TTC28: variants seen among roughly 807,000 people sequenced by gnomAD.
TTC28 encodes the protein tetratricopeptide repeat protein 28.
In TTC28, 61 loss-of-function variants were observed where a neutral mutation model predicts 198.0. The ratio of observed to expected loss-of-function variants is 0.31; its 90% CI spans 0.25 to 0.38. The LOEUF (loss-of-function observed/expected upper bound fraction) is 0.38. Among genes scored for constraint, TTC28 ranks in the 10% least tolerant of loss-of-function variants. TTC28 has a pLI of 1.00. For synonymous variants in TTC28, 1,171 were observed against 1,297.8 expected, an observed-to-expected ratio of 0.90 and a Z score of 2.10; for missense variants, 2,678 against 3,164.0, an observed-to-expected ratio of 0.85 and a Z score of 3.69.
Position 27,983,220 on chromosome 22 carries a change from G to C in TTC28, c.6447C>G (p.Ser2149=), listed in dbSNP as rs576263878. The C allele has an allele frequency of 6.4e-7, 1 of 1,551,836 alleles. No homozygotes were observed. Among genetic ancestry groups the C allele is most frequent in the African/African-American group, 1.4e-5 (1 of 73,152 alleles). The change falls in exon 23 of 23, where the codon TCC becomes TCG. Residue 2149 remains serine, a synonymous_variant. Transcript: ENST00000397906. ...CCAGTTTTGGGTTGCTTTCTTCTTG[G>C]GATTTCACGGTACTGTCCGTTTCTG... ...SSTETDSTVK[S]QEESNPKLDP... is the part of the protein sequence containing the mutation.
At position 28,467,936 on chromosome 22, in the gene TTC28, CT is replaced by C. The variant is rs890487153; in HGVS notation, c.382-161294del. Reference sequence around the variant, plus strand: ...GCCACTGCGCCCGGCTAATTTTTTTCTTTTTTTTTTCTTTCGTAAAGACGGG... The same window carrying C: ...GCCACTGCGCCCGGCTAATTTTTTTCTTTTTTTTTCTTTCGTAAAGACGGG... On this transcript the variant is annotated intron_variant, in intron 2 of 22. Transcript: ENST00000397906. Among the ~76,000 whole-genome samples, 880 of 148,596 alleles carry C rather than the reference CT, an allele frequency of 5.9e-3. 9 individuals are homozygous for C. The highest frequency in any genetic ancestry group is 0.021 in the African/African-American group (849 of 40,558).
chr22:27,990,653 C>T (rs1376090896), intron 20 of TTC28, 136 bp downstream of exon 20: 34 of 773,812 alleles, frequency 4.4e-5, no homozygotes, highest in South Asian at 1.3e-4. Flanking sequence ...AGTGCGCACC[C>T]GCGGGGGCGC....
At position 28,108,708 on chromosome 22, in the gene TTC28, G is replaced by A. The variant is rs193074402; in HGVS notation, c.1442-305C>T. Among the ~76,000 whole-genome samples the A allele has an allele frequency of 9.3e-3, 1,418 of 152,212 alleles. 25 individuals are homozygous for A. The highest frequency in any genetic ancestry group is 0.032 in the African/African-American group (1,319 of 41,526). ...AAATATATTAAACATAAATGAAAAA[G>A]TTCAATAGCCATTGCGTATAAAGAG... On this transcript the variant is annotated intron_variant, in intron 6 of 22. Coordinates refer to ENST00000397906, the MANE Select transcript of TTC28 (RefSeq NM_001145418.2).
intron 2 of TTC28, among the ~76,000 whole-genome samples, chr22:28,607,911 T>C (rs563621351): frequency 7.9e-5 from 12 of 152,178 alleles, no homozygotes; most frequent in Non-Finnish European, 1.8e-4. Flanking sequence ...CTCTCCTACT[T>C]TCCATTTCCC....
At chr22:28,479,075 A>T (rs148994505) in intron 2 of TTC28, among the ~76,000 whole-genome samples, 3 of 152,162 alleles carry the variant, frequency 2.0e-5, no homozygotes, top group African/African-American at 7.2e-5. Flanking sequence ...GTGTTCAAAG[A>T]ACAAAAAAAA....
chr22:28,640,905 A>C (rs1240100264), intron 1 of TTC28, among the ~76,000 whole-genome samples: 1 of 152,178 alleles, frequency 6.6e-6, no homozygotes, highest in Non-Finnish European at 1.5e-5. Context: ...CCATGGAAAA[A>C]CTAGTGCACA....
At chr22:28,386,999 C>A (rs1460608052) in intron 2 of TTC28, among the ~76,000 whole-genome samples, 5 of 152,082 alleles carry the variant, frequency 3.3e-5, no homozygotes, top group South Asian at 2.1e-4. Flanking sequence ...CCCACTCCCC[C>A]ACCCCCAAAA....
intron 2 of TTC28, among the ~76,000 whole-genome samples, chr22:28,386,972 A>T (rs62237620): frequency 6.6e-6 from 1 of 151,870 alleles, no homozygotes; most frequent in Non-Finnish European, 1.5e-5. Context: ...TAGGTATATC[A>T]CCCAATGCTA....
chr22:28,633,217 T>C (rs1391961834), intron 1 of TTC28, among the ~76,000 whole-genome samples: 3 of 150,192 alleles, frequency 2.0e-5, no homozygotes, highest in Admixed American at 1.3e-4. Context: ...GAGGCAGAGG[T>C]TGCAGTGAGC....
chr22:28,400,132 T>C (rs1240882536), intron 2 of TTC28, among the ~76,000 whole-genome samples: 14 of 152,210 alleles, frequency 9.2e-5, no homozygotes, highest in Non-Finnish European at 2.1e-4. Flanking sequence ...TCTTCACCTT[T>C]CCATTTCAGT....
At chr22:28,105,151 C>T (rs1942257951) in intron 8 of TTC28, 128 bp downstream of exon 8, 3 of 963,716 alleles carry the variant, frequency 3.1e-6, no homozygotes, top group South Asian at 3.5e-5. Context: ...GACAATGTGG[C>T]CTCTGAGACC....
intron 3 of TTC28, among the ~76,000 whole-genome samples, chr22:28,299,907 G>T (rs180939242): frequency 3.1e-3 from 471 of 152,206 alleles, no homozygotes; most frequent in Non-Finnish European, 5.1e-3. Context: ...CTTGTAAACA[G>T]AAAAGAAACA....
rs775874303 is a variant in TTC28 at position 27,982,636 on chromosome 22, T to C, written c.7031A>G (p.Lys2344Arg). 9.0e-6 allele frequency: 14 copies of C among 1,551,596 alleles called. No homozygotes were observed. The highest frequency in any genetic ancestry group is 1.2e-5 in the Non-Finnish European group (14 of 1,146,978). ...TTCATCAATGGCTGCCATTTTCAGT[T>C]TGTCTATGTCGGGAGCGTCTGCTGG... ...SSPADAPDID[K>R]LKMAAIDEKV... Residue 2344 changes from lysine to arginine, a missense_variant, in exon 23 of 23, where the codon AAA (lysine) becomes AGA (arginine). Physicochemically the swap from Lys to Arg is conservative, Grantham distance 26 (BLOSUM62 2). Coordinates refer to ENST00000397906, the MANE Select transcript of TTC28 (RefSeq NM_001145418.2). This position sits in a 1 kb window ranked among gnomAD's most constrained non-coding sequence, Gnocchi z 5.2.
rs144331723 is a variant in TTC28, at chr22:28,363,881, C to T, written c.382-57238G>A. Among the ~76,000 whole-genome samples the T allele has an allele frequency of 3.4e-3, 522 of 152,246 alleles. 5 individuals carry two copies. The highest frequency in any genetic ancestry group is 0.014 in the Middle Eastern group (4 of 294). ...GGCTGTATTTTACCCAATGCCTGTA[C>T]CCCCATTATATCTAGGAAGTAACCA... On this transcript the variant is annotated intron_variant, in intron 2 of 22. Coordinates refer to ENST00000397906, the MANE Select transcript of TTC28 (RefSeq NM_001145418.2).
chr22:28,239,464 TA>T (rs1929502205), intron 5 of TTC28, among the ~76,000 whole-genome samples: 1 of 152,164 alleles, frequency 6.6e-6, no homozygotes, highest in South Asian at 2.1e-4. Flanking sequence ...GGTAGATAAC[TA>T]ACCTAAAATA....
Position 27,983,659 on chromosome 22 carries a change from C to G in TTC28, c.6008G>C (p.Ser2003Thr). Residue 2003 changes from serine to threonine, a missense_variant, in exon 23 of 23, where the codon AGC becomes ACC. This residue lies in a region of TTC28 where 622 missense variants were observed against 656.0 expected (regional missense o/e 0.95). Transcript: ENST00000397906. ...TCCACCCTCGGGTTTGGAGACAAAG[C>G]TCATTGAGGAGGCAATGGAGCTCAG... The part of the protein sequence containing the change: ...YSLSSIASSM[S>T]FVSKPEGGSE... 1.3e-6 allele frequency: 2 copies of G among 1,545,052 alleles called. No homozygotes were observed. Among genetic ancestry groups the G allele is most frequent in the Non-Finnish European group, 1.7e-6 (2 of 1,144,040 alleles).
At chr22:28,509,250 C>T (rs1442662266) in intron 2 of TTC28, among the ~76,000 whole-genome samples, 3 of 151,730 alleles carry the variant, frequency 2.0e-5, no homozygotes, top group Non-Finnish European at 4.4e-5. Flanking sequence ...TTCTTCCCAT[C>T]ACCATATTGC....
chr22:28,020,709 C>T (rs1157398446), intron 13 of TTC28, among the ~76,000 whole-genome samples: 7 of 152,114 alleles, frequency 4.6e-5, no homozygotes, highest in African/African-American at 1.7e-4. Flanking sequence ...GGCTTCCCAT[C>T]CACACTCAGC....
intron 2 of TTC28, among the ~76,000 whole-genome samples, chr22:28,387,276 C>G (rs2046623144): frequency 6.6e-6 from 1 of 152,158 alleles, no homozygotes; most frequent in Non-Finnish European, 1.5e-5. Context: ...CAAGTCTTTG[C>G]TATTGTGAAT....
Sources: allele counts gnomAD v4.1 joint callset (sites outside exome capture counted in the v4.1 genomes callset), GRCh38; gene constraint gnomAD v4.1.1; regional missense constraint gnomAD v4.1.1; non-coding constraint Gnocchi (gnomAD v3.1); transcripts MANE v1.5; gene names NCBI Gene and HGNC (gene_info 2026-07-23, HGNC 2026-07-21).